The following KLF9 variants were observed in gnomAD, a reference collection of about 807,000 sequenced individuals.
KLF9 encodes the protein Krueppel-like factor 9.
KLF9 carries 2 observed loss-of-function variants against 17.3 expected under a neutral mutation model. The ratio of observed to expected loss-of-function variants is 0.12; its 90% CI spans 0.05 to 0.36. KLF9 has a LOEUF of 0.36. KLF9 is among the 10% of genes least tolerant of loss of function. KLF9 has a pLI of 1.00. For synonymous variants in KLF9, 138 were observed against 139.2 expected, an observed-to-expected ratio of 0.99 and a Z score of 0.06; for missense variants, 226 against 333.2, an observed-to-expected ratio of 0.68 and a Z score of 2.51.
At position 70,385,798 on chromosome 9, in the gene KLF9, A is replaced by G. The variant is rs1389239340; in HGVS notation, c.*1978T>C. 6.6e-6 allele frequency: 1 copy of G among 152,604 alleles called. No homozygotes were observed. The highest frequency in any genetic ancestry group is 2.4e-5 in the African/African-American group (1 of 41,456). 9.5% of individuals were successfully genotyped at this position (152,604 alleles called of 1,614,324 possible). On this transcript the variant is annotated 3_prime_UTR_variant, in exon 2 of 2. Transcript: ENST00000377126. ...AAAATAAGTGTTTCAAAAATCTGAA[A>G]CAGAGGTAGAAAGTGTTCTTTATTT...
At chr9:70,388,582 A>G (rs6560130) in intron 1 of KLF9, among the ~76,000 whole-genome samples, 23,514 of 152,136 alleles carry the variant, frequency 0.15, 2,068 homozygotes, top group African/African-American at 0.25. Flanking sequence ...GTTTTATTCC[A>G]CACAATTGCT....
At chr9:70,409,701 C>T (rs1020268336) in intron 1 of KLF9, among the ~76,000 whole-genome samples, 9 of 151,914 alleles carry the variant, frequency 5.9e-5, no homozygotes, top group Admixed American at 5.9e-4. Flanking sequence ...ATAAAGTGTC[C>T]AAAAAGTCTG....
chr9:70,408,846 G>T (rs2037274873), intron 1 of KLF9, among the ~76,000 whole-genome samples: 2 of 150,928 alleles, frequency 1.3e-5, no homozygotes, highest in African/African-American at 4.9e-5. Flanking sequence ...TTCTACTACA[G>T]AGGCTATCCA....
At chr9:70,410,383 A>G (rs1308677330) in intron 1 of KLF9, among the ~76,000 whole-genome samples, 1 of 152,238 alleles carries the variant, frequency 6.6e-6, no homozygotes, top group Non-Finnish European at 1.5e-5. Flanking sequence ...TAACTTCCTT[A>G]TGGTCTCAAA....
At chr9:70,407,854 T>C (rs1244646783) in intron 1 of KLF9, among the ~76,000 whole-genome samples, 1 of 152,184 alleles carries the variant, frequency 6.6e-6, no homozygotes, top group Non-Finnish European at 1.5e-5. Context: ...CCATCCTCTA[T>C]AGCTAGAAGC....
intron 1 of KLF9, among the ~76,000 whole-genome samples, chr9:70,402,476 T>C (rs1488281999): frequency 6.6e-6 from 1 of 152,208 alleles, no homozygotes; most frequent in African/African-American, 2.4e-5. Flanking sequence ...GGGTAATAAA[T>C]GTTCCTGTAA....
intron 1 of KLF9, among the ~76,000 whole-genome samples, chr9:70,389,785 G>A (rs1290119744): frequency 6.6e-6 from 1 of 152,192 alleles, no homozygotes; most frequent in African/African-American, 2.4e-5. Context: ...CCATCGCCCT[G>A]GCTCCCAAGA....
intron 1 of KLF9, among the ~76,000 whole-genome samples, chr9:70,389,248 AATTCCAGTTTCTTCTAT>A: frequency 6.6e-6 from 1 of 152,298 alleles, no homozygotes; most frequent in Admixed American, 6.5e-5. Flanking sequence ...ATTTCCAAAC[AATTCCAGTTTCTTCTAT>A]ATTCCTCATA....
chr9:70,392,414 G>A (rs577850530), intron 1 of KLF9, among the ~76,000 whole-genome samples: 1 of 152,114 alleles, frequency 6.6e-6, no homozygotes, highest in Non-Finnish European at 1.5e-5. Flanking sequence ...GTGTACGCAG[G>A]CTGGATTCTG....
intron 1 of KLF9, among the ~76,000 whole-genome samples, chr9:70,402,825 CT>C (rs1412423653): frequency 6.6e-6 from 1 of 152,054 alleles, no homozygotes. Context: ...TTGTCAAACT[CT>C]GTTCTTTGGA....
intron 1 of KLF9, among the ~76,000 whole-genome samples, chr9:70,392,710 C>T (rs1203491612): frequency 6.6e-6 from 1 of 152,178 alleles, no homozygotes; most frequent in Admixed American, 6.5e-5. Flanking sequence ...ACTCCACCTT[C>T]GTCTGGCAGC....
chr9:70,390,228 T>C (rs1336748537), intron 1 of KLF9, among the ~76,000 whole-genome samples: 1 of 152,156 alleles, frequency 6.6e-6, no homozygotes, highest in Non-Finnish European at 1.5e-5. Flanking sequence ...TCTGTAGCAG[T>C]TGATTCTCTA....
chr9:70,409,193 T>C lies in KLF9; in HGVS notation c.505+3666A>G, dbSNP rs564830348. On this transcript the variant is annotated intron_variant, in intron 1 of 1. Transcript: ENST00000377126. ...ATGTATATATATGTATACATATACATGTATATGTATATATATATACATATA... is the reference window on the plus strand; with the variant it reads ...ATGTATATATATGTATACATATACACGTATATGTATATATATATACATATA... Among the ~76,000 whole-genome samples, 69 of 59,532 alleles carry C rather than the reference T, an allele frequency of 1.2e-3. 6 individuals carry two copies. In the South Asian group the frequency reaches 0.025, roughly 22 times the overall value. 39.1% of individuals were successfully genotyped at this position (59,532 alleles called of 152,430 possible). A position where few individuals can be genotyped will look rare whatever the true frequency, so the allele number is the denominator to read the frequency against.
chr9:70,390,663 T>A (rs1297729311), intron 1 of KLF9, among the ~76,000 whole-genome samples: 1 of 151,052 alleles, frequency 6.6e-6, no homozygotes, highest in Non-Finnish European at 1.5e-5. Flanking sequence ...ACACACTCTC[T>A]CTCTCTCTCT....
At chr9:70,412,526 G>A (rs1356862195) in intron 1 of KLF9, among the ~76,000 whole-genome samples, 1 of 152,114 alleles carries the variant, frequency 6.6e-6, no homozygotes, top group Non-Finnish European at 1.5e-5. Context: ...GCGTCTCCCA[G>A]GTGGGGTGGC....
In KLF9 at chr9:70,385,336, G is replaced by T. The variant is rs879038359; in HGVS notation, c.*2440C>A. On this transcript the variant is annotated 3_prime_UTR_variant, in exon 2 of 2. Transcript: ENST00000377126. Reference sequence around the variant, plus strand: ...GGATTTAATCACAAAGAATAAAAAGGCTTGAGTTTATACGTTACATTACTA... The same window carrying T: ...GGATTTAATCACAAAGAATAAAAAGTCTTGAGTTTATACGTTACATTACTA... 2.0e-5 allele frequency: 3 copies of T among 152,650 alleles called. No homozygotes were observed. The highest frequency in any genetic ancestry group is 4.1e-4 in the South Asian group (2 of 4,824). The allele number at this position is 152,650 out of a possible 1,614,324, so 9.5% of individuals were successfully genotyped here. A position where few individuals can be genotyped will look rare whatever the true frequency, so the allele number is the denominator to read the frequency against.
chr9:70,413,744 G>A lies in KLF9; in HGVS notation c.-381C>T, dbSNP rs1055466638. The A allele has an allele frequency of 5.9e-5, 9 of 152,806 alleles. No homozygotes were observed. Among genetic ancestry groups the A allele is most frequent in the African/African-American group, 2.2e-4 (9 of 41,454 alleles). 9.5% of individuals were successfully genotyped at this position (152,806 alleles called of 1,614,324 possible). A position where few individuals can be genotyped will look rare whatever the true frequency, so the allele number is the denominator to read the frequency against. On this transcript the variant is annotated 5_prime_UTR_variant, in exon 1 of 2. Transcript: ENST00000377126. The surrounding 1 kb of genome is among the most constrained non-coding windows in gnomAD (Gnocchi z 5.6). ...TTATTCGACTGAAAACGCCCCCGAGGCGCTGGGAGAGGAAACTGCAAGAGA... is the reference window on the plus strand; with the variant it reads ...TTATTCGACTGAAAACGCCCCCGAGACGCTGGGAGAGGAAACTGCAAGAGA...
chr9:70,401,870 C>G (rs2037224556), intron 1 of KLF9, among the ~76,000 whole-genome samples: 1 of 151,498 alleles, frequency 6.6e-6, no homozygotes. Context: ...CAAAAATGAG[C>G]TGGGTGTAGT....
chr9:70,413,430 C>T lies in KLF9; in HGVS notation c.-67G>A. 2 of 1,345,516 alleles carry T rather than the reference C, an allele frequency of 1.5e-6. No homozygotes were observed. The highest frequency in any genetic ancestry group is 1.9e-6 in the Non-Finnish European group (2 of 1,053,442). 83.3% of individuals were successfully genotyped at this position (1,345,516 alleles called of 1,614,324 possible). ...CGGTGGCTGCGGAGGTTCGGCTCGCCCTGCCCTGGCCTCGGACGACGAGCG... is the reference window on the plus strand; with the variant it reads ...CGGTGGCTGCGGAGGTTCGGCTCGCTCTGCCCTGGCCTCGGACGACGAGCG... On this transcript the variant is annotated 5_prime_UTR_variant, in exon 1 of 2. Coordinates refer to ENST00000377126, the MANE Select transcript of KLF9 (RefSeq NM_001206.4). The surrounding 1 kb of genome is among the most constrained non-coding windows in gnomAD (Gnocchi z 5.6).
Sources: gnomAD v4.1 joint callset for allele counts (sites outside exome capture counted in the v4.1 genomes callset) on GRCh38, gnomAD v4.1.1 for gene constraint, Gnocchi (gnomAD v3.1) non-coding constraint, MANE v1.5 for transcripts, NCBI Gene and HGNC (gene_info 2026-07-23, HGNC 2026-07-21) for gene names.